The following PIK3C2G variants were observed in gnomAD, a reference collection of about 807,000 sequenced individuals.
The protein encoded by PIK3C2G is phosphatidylinositol-4-phosphate 3-kinase catalytic subunit type 2 gamma.
Under a neutral mutation model 181.1 loss-of-function variants are expected in PIK3C2G, and 168 were observed. The ratio of observed to expected loss-of-function variants is 0.93; its 90% CI spans 0.82 to 1.05. The LOEUF (loss-of-function observed/expected upper bound fraction) is 1.05, where lower values mean the gene tolerates loss of function less well. Among genes scored for constraint, PIK3C2G ranks in the 50% least tolerant of loss-of-function variants. The probability of loss-of-function intolerance (pLI) is 0.00; values close to 1 mark genes in which losing one functional copy is unlikely to be tolerated. For missense variants in PIK3C2G, 1,869 were observed against 1,732.8 expected (o/e 1.08, Z -1.40); for synonymous variants, 573 against 592.2 (o/e 0.97, Z 0.47).
In PIK3C2G at chr12:18,615,374, T is replaced by C. The variant is rs539831371; in HGVS notation, c.4182+5745T>C. Among the ~76,000 whole-genome samples, 485 of 58,806 alleles carry C rather than the reference T, an allele frequency of 8.2e-3. 2 individuals carry two copies. Among genetic ancestry groups the C allele is most frequent in the African/African-American group, 0.017 (464 of 27,108 alleles). The allele number at this position is 58,806 out of a possible 152,430, so 38.6% of individuals were successfully genotyped here. A position where few individuals can be genotyped will look rare whatever the true frequency, so the allele number is the denominator to read the frequency against. Reference sequence around the variant, plus strand: ...GTGTGTGTGTGTGTGTGTGTGTATGTGTATATATATATATCACGGTAGTAT... The same window carrying C: ...GTGTGTGTGTGTGTGTGTGTGTATGCGTATATATATATATCACGGTAGTAT... On this transcript the variant is annotated intron_variant, in intron 31 of 32. Transcript: ENST00000538779.
At chr12:18,610,099 G>A (rs1382816102) in intron 31 of PIK3C2G, among the ~76,000 whole-genome samples, 3 of 152,084 alleles carry the variant, frequency 2.0e-5, no homozygotes, top group African/African-American at 4.8e-5. Flanking sequence ...TGCCACTTAA[G>A]GTTGGGGCAA....
intron 18 of PIK3C2G, among the ~76,000 whole-genome samples, chr12:18,438,034 G>C (rs533591246): frequency 8.4e-4 from 128 of 151,940 alleles, no homozygotes; most frequent in Admixed American, 2.0e-3. Flanking sequence ...CATGGATTAA[G>C]CAATATGTGT....
At chr12:18,647,830 T>G (rs763589890) in intron 32 of PIK3C2G, 46 bp from the exon 33 acceptor site, 1 of 1,210,616 alleles carries the variant, frequency 8.3e-7, no homozygotes. Context: ...AAGAGATGTA[T>G]TTAAGCATTT....
intron 24 of PIK3C2G, among the ~76,000 whole-genome samples, chr12:18,532,151 T>TATGTTC (rs141959209): frequency 1.3e-5 from 1 of 79,778 alleles, no homozygotes; most frequent in Non-Finnish European, 3.3e-5. Flanking sequence ...CATCTTTTTA[T>TATGTTC]ATGTTTATTT....
At chr12:18,383,987 A>ATTTTTT (rs71440366) in intron 14 of PIK3C2G, among the ~76,000 whole-genome samples, 1 of 137,010 alleles carries the variant, frequency 7.3e-6, no homozygotes, top group Non-Finnish European at 1.5e-5. Context: ...TATTATTATT[A>ATTTTTT]TTTTTTTTTT....
chr12:18,595,038 G>A (rs185698671), intron 30 of PIK3C2G, among the ~76,000 whole-genome samples: 1 of 151,996 alleles, frequency 6.6e-6, no homozygotes, highest in Admixed American at 6.6e-5. Flanking sequence ...ACAGTGATGA[G>A]TGACAAAAGA....
rs891294862 is a variant in PIK3C2G at position 18,283,820 on chromosome 12, A to G, written c.678+1061A>G. Among the ~76,000 whole-genome samples, 15 of 152,230 alleles carry G rather than the reference A, an allele frequency of 9.9e-5. No individual in the cohort carries two copies. The East Asian group carries it at 2.3e-3, about 24-fold the overall frequency. On this transcript the variant is annotated intron_variant, in intron 2 of 32. Transcript: ENST00000538779. ...CCCTACTCATCAAAACAACTATACA[A>G]TTAGACGAAATAAGTGAATCAGGTG...
chr12:18,575,348 T>C (rs1416877646), intron 29 of PIK3C2G, among the ~76,000 whole-genome samples: 1 of 152,196 alleles, frequency 6.6e-6, no homozygotes, highest in African/African-American at 2.4e-5. Context: ...TCTTTGTTTT[T>C]AACAAGTCCT....
At chr12:18,710,516 C>A in the PIK3C2G span, among the ~76,000 whole-genome samples, 1 of 151,736 alleles carries the variant, frequency 6.6e-6, no homozygotes, top group Non-Finnish European at 1.5e-5. Context: ...TTGAGTGAGG[C>A]CGAAGGCTTT....
At chr12:18,429,452 T>A (rs1425196530) in intron 18 of PIK3C2G, among the ~76,000 whole-genome samples, 2 of 152,120 alleles carry the variant, frequency 1.3e-5, no homozygotes, top group African/African-American at 2.4e-5. Context: ...GGATGTCACA[T>A]CATCAGGAAG....
chr12:18,620,810 T>A (rs532426729), intron 31 of PIK3C2G, among the ~76,000 whole-genome samples: 1 of 152,144 alleles, frequency 6.6e-6, no homozygotes. Flanking sequence ...CTCTTAATCC[T>A]GGTTATTTAA....
intron 16 of PIK3C2G, among the ~76,000 whole-genome samples, chr12:18,408,875 G>T (rs970797986): frequency 1.3e-5 from 2 of 152,068 alleles, no homozygotes; most frequent in East Asian, 3.9e-4. Flanking sequence ...TTAGAATGGC[G>T]ATCATTAAAA....
At chr12:18,520,673 G>A (rs1216589928) in intron 24 of PIK3C2G, among the ~76,000 whole-genome samples, 1 of 152,026 alleles carries the variant, frequency 6.6e-6, no homozygotes, top group African/African-American at 2.4e-5. Context: ...CTCCTCTAGT[G>A]CAGCGTAGCT....
chr12:18,421,988 G>A (rs1945513364), intron 17 of PIK3C2G, among the ~76,000 whole-genome samples: 1 of 152,002 alleles, frequency 6.6e-6, no homozygotes, highest in African/African-American at 2.4e-5. Context: ...GAAAATAAGG[G>A]TTAATCTAAC....
chr12:18,639,008 G>A (rs1370790773), intron 31 of PIK3C2G, among the ~76,000 whole-genome samples: 3 of 148,780 alleles, frequency 2.0e-5, no homozygotes, highest in Non-Finnish European at 4.4e-5. Flanking sequence ...TTCTTTCTGT[G>A]TCACTGAAGA....
chr12:18,673,047 G>A, the PIK3C2G span, among the ~76,000 whole-genome samples: 1 of 152,106 alleles, frequency 6.6e-6, no homozygotes, highest in Admixed American at 6.6e-5. Context: ...TGCCAAAGTG[G>A]TACATAGAAG....
intron 29 of PIK3C2G, among the ~76,000 whole-genome samples, chr12:18,593,849 T>C (rs1409217566): frequency 1.3e-5 from 2 of 152,034 alleles, no homozygotes; most frequent in South Asian, 2.1e-4. Context: ...TTTTCTCCAC[T>C]TAATTGTGTT....
intron 7 of PIK3C2G, among the ~76,000 whole-genome samples, chr12:18,322,137 C>A (rs1343104385): frequency 1.3e-5 from 2 of 152,162 alleles, no homozygotes; most frequent in African/African-American, 4.8e-5. Flanking sequence ...GTAATCCCAG[C>A]ACTTTAGGAG....
At chr12:18,257,690 A>G (rs1948159445), upstream of PIK3C2G, among the ~76,000 whole-genome samples, 1 of 151,208 alleles carries the variant, frequency 6.6e-6, no homozygotes, top group South Asian at 2.1e-4. Flanking sequence ...GAAAGAAGAA[A>G]AAAGAAAGAA....
Sources: gnomAD v4.1 joint callset for allele counts (sites outside exome capture counted in the v4.1 genomes callset) on GRCh38, gnomAD v4.1.1 for gene constraint, MANE v1.5 for transcripts, NCBI Gene and HGNC (gene_info 2026-07-23, HGNC 2026-07-21) for gene names.